INF2: variants seen among roughly 807,000 people sequenced by gnomAD.
INF2 encodes the protein inverted formin-2.
Under a neutral mutation model 123.5 loss-of-function variants are expected in INF2, and 43 were observed. The observed-to-expected ratio is 0.35, with a 90% CI of 0.27 to 0.45. INF2 has a LOEUF of 0.45. Ranked by LOEUF, INF2 falls within the 20% of genes least tolerant of loss-of-function variation. INF2 has a pLI of 1.00. For missense variants in INF2, 1,453 were observed against 1,682.7 expected, an observed-to-expected ratio of 0.86 and a Z score of 2.39; for synonymous variants, 851 against 745.0, an observed-to-expected ratio of 1.14 and a Z score of -2.32.
upstream of INF2, among the ~76,000 whole-genome samples, chr14:104,687,469 CACACACACAT>C: frequency 6.8e-6 from 1 of 145,992 alleles, no homozygotes; most frequent in South Asian, 2.2e-4. This position sits in a 1 kb window ranked among gnomAD's most constrained non-coding sequence, Gnocchi z 5.6. Context: ...TCCACACACA[CACACACACAT>C]ACACACACAC....
chr14:104,707,420 G>T lies in INF2; in HGVS notation c.1153G>T (p.Gly385Cys). 1 of 1,579,098 alleles carries T rather than the reference G, an allele frequency of 6.3e-7. No homozygotes were observed. The highest frequency in any genetic ancestry group is 2.4e-5 in the East Asian group (1 of 42,518). ...NTTTPKPSVE[G>C]QQPAAAAACE... Reference sequence around the variant, plus strand: ...TACAACCCCCAAGCCCAGCGTGGAGGGCCAGCAGCCAGCAGCAGCTGCTGC... The same window carrying T: ...TACAACCCCCAAGCCCAGCGTGGAGTGCCAGCAGCCAGCAGCAGCTGCTGC... Residue 385 changes from glycine to cysteine, a missense_variant, in exon 8 of 23, where the codon GGC (glycine) becomes TGC (cysteine). Gly to Cys is a radical substitution (Grantham distance 159). Around this residue, in one of 8 missense-constraint regions of INF2, gnomAD observed 374 missense variants for 303.7 expected, o/e 1.23. Transcript: ENST00000392634.
At chr14:104,689,587 T>TGCGACC, upstream of INF2, 1 of 851,068 alleles carries the variant, frequency 1.2e-6, no homozygotes, top group Non-Finnish European at 1.4e-6. Context: ...CACCTCCTCT[T>TGCGACC]CCTCCCGCCC....
At chr14:104,712,593 G>A (rs771441545) in intron 17 of INF2, 40 bp downstream of exon 17, 19 of 1,612,024 alleles carry the variant, frequency 1.2e-5, no homozygotes, top group Non-Finnish European at 1.4e-5. Flanking sequence ...GGGAGAGGCT[G>A]CCCTGATAGA....
intron 6 of INF2, 111 bp from the exon 7 acceptor site, chr14:104,706,799 C>T: frequency 7.3e-6 from 9 of 1,227,880 alleles, no homozygotes; most frequent in Non-Finnish European, 7.9e-6. Flanking sequence ...TCTAGGGATC[C>T]GTGGGAATAG....
rs1360651358 is a variant in INF2, at chr14:104,684,112, G to A, written c.-104+2530G>A. 2.0e-5 allele frequency: 9 copies of A among 456,056 alleles called. No homozygotes were observed. Among genetic ancestry groups the A allele is most frequent in the Admixed American group, 4.7e-5 (2 of 42,566 alleles). The allele number at this position is 456,056 out of a possible 1,614,324, so 28.3% of individuals were successfully genotyped here. A position where few individuals can be genotyped will look rare whatever the true frequency, so the allele number is the denominator to read the frequency against. ...AAGATGGCACGGACCCCCGACATAAGACAGTTCAAAGCTGAGCGGCTCTCC... is the reference window on the plus strand; with the variant it reads ...AAGATGGCACGGACCCCCGACATAAAACAGTTCAAAGCTGAGCGGCTCTCC... On this transcript the variant is annotated intron_variant, in intron 1 of 2. Transcript: ENST00000674723. The surrounding 1 kb of genome is among the most constrained non-coding windows in gnomAD (Gnocchi z 5.0).
chr14:104,711,617 G>A lies in INF2; in HGVS notation c.2419-12G>A, dbSNP rs369283834. 1.4e-5 allele frequency: 22 copies of A among 1,612,124 alleles called. 1 individual carries two copies. In the South Asian group the frequency reaches 2.1e-4, roughly 15 times the overall value. On this transcript the variant is annotated splice_polypyrimidine_tract_variant and intron_variant, in intron 15 of 22. Transcript: ENST00000392634. ...GACCACAGTGGATCTCACTGGACGT[G>A]TCCCATTGCAGGAAGCGGAAAAGAG...
intron 5 of INF2, 46 bp downstream of exon 5, chr14:104,703,995 C>G: frequency 3.1e-6 from 5 of 1,605,298 alleles, no homozygotes; most frequent in Non-Finnish European, 4.2e-6. Context: ...CTCCTGCTCC[C>G]AAGGCCAGGC....
intron 22 of INF2, 108 bp from the exon 23 acceptor site, chr14:104,718,687 G>A: frequency 6.5e-7 from 1 of 1,548,798 alleles, no homozygotes; most frequent in Non-Finnish European, 8.7e-7. Context: ...ACAACCTGCT[G>A]GACAGTGGCG....
chr14:104,682,469 G>A (rs1029262405), intron 1 of INF2, among the ~76,000 whole-genome samples: 3 of 152,196 alleles, frequency 2.0e-5, no homozygotes, highest in Non-Finnish European at 2.9e-5. Flanking sequence ...GCAGTGGGGC[G>A]CGGGGCAGGG....
intron 1 of INF2, among the ~76,000 whole-genome samples, chr14:104,683,823 C>T (rs559008165): frequency 6.6e-6 from 1 of 152,212 alleles, no homozygotes; most frequent in African/African-American, 2.4e-5. Flanking sequence ...CCCTCTCCCC[C>T]TCTCCCCTTC....
At chr14:104,707,169 C>T (rs546703514) in intron 7 of INF2, 84 bp from the exon 8 acceptor site, 31 of 1,511,080 alleles carry the variant, frequency 2.1e-5, no homozygotes, top group African/African-American at 9.7e-5. Flanking sequence ...GGGAGGTGGC[C>T]GCTTTTTCCT....
Position 104,714,742 on chromosome 14 carries a change from T to C in INF2, c.3580T>C (p.Ser1194Pro). The change falls in exon 21 of 23, where the codon TCC (serine) becomes CCC (proline). Residue 1194 changes from serine (S) to proline (P), a missense_variant. Physicochemically the swap from Ser to Pro is moderately conservative, Grantham distance 74. Around this residue, in one of 8 missense-constraint regions of INF2, gnomAD observed 344 missense variants for 333.1 expected, o/e 1.03. Coordinates refer to ENST00000392634, the MANE Select transcript of INF2 (RefSeq NM_022489.4). The stretch of plus-strand genomic sequence containing the variant: ...GGACACATCCCTGGACAAGTCCTTC[T>C]CCGAGGATGCGGTGACCGACTCCTC... ...ALDTSLDKSF[S>P]EDAVTDSSGS... 6.2e-7 allele frequency: 1 copy of C among 1,602,202 alleles called. No homozygotes were observed. Among genetic ancestry groups the C allele is most frequent in the African/African-American group, 1.3e-5 (1 of 74,664 alleles).
intron 8 of INF2, 45 bp downstream of exon 8, chr14:104,708,047 G>T: frequency 6.3e-7 from 1 of 1,597,664 alleles, no homozygotes; most frequent in Non-Finnish European, 8.5e-7. Flanking sequence ...CTAGGACGGG[G>T]GCTGGTCTCT....
intron 1 of INF2, among the ~76,000 whole-genome samples, chr14:104,694,127 G>A (rs1203253643): frequency 6.6e-6 from 1 of 152,258 alleles, no homozygotes; most frequent in Non-Finnish European, 1.5e-5. Flanking sequence ...ACAGTGAGGG[G>A]CTGCCTGCAG....
Position 104,707,245 on chromosome 14 carries a change from T to A in INF2, c.986-8T>A, listed in dbSNP as rs2140666731. ...TTCTCCCTTGACCCTGGACATCCCC[T>A]ACTGCAGCCCAGGAATGCACCCTGG... On this transcript the variant is annotated splice_polypyrimidine_tract_variant and splice_region_variant and intron_variant, in intron 7 of 22. Transcript: ENST00000392634. 5.6e-6 allele frequency: 9 copies of A among 1,605,212 alleles called. No homozygotes were observed. Among genetic ancestry groups the A allele is most frequent in the Non-Finnish European group, 7.7e-6 (9 of 1,176,192 alleles).
At chr14:104,700,216 A>C (rs1889405171) in intron 1 of INF2, among the ~76,000 whole-genome samples, 1 of 152,200 alleles carries the variant, frequency 6.6e-6, no homozygotes, top group Admixed American at 6.5e-5. Context: ...ACCTCCAGTC[A>C]CAGCCCAGCC....
chr14:104,704,062 G>C, intron 5 of INF2, 113 bp downstream of exon 5: 1 of 1,568,224 alleles, frequency 6.4e-7, no homozygotes, highest in Non-Finnish European at 8.6e-7. Context: ...AGATGGCAGG[G>C]AGGTGGCTCC....
upstream of INF2, among the ~76,000 whole-genome samples, chr14:104,686,990 C>T (rs1291135960): frequency 6.6e-6 from 1 of 152,230 alleles, no homozygotes; most frequent in Non-Finnish European, 1.5e-5. Flanking sequence ...ACATGTGGCT[C>T]CGCCTGGGTG....
rs1240480082 is a variant in INF2 at position 104,719,466 on chromosome 14, AGGGGCTGCAG to A, written c.*676_*685del. 1 of 152,090 alleles carries A rather than the reference AGGGGCTGCAG, an allele frequency of 6.6e-6. No homozygotes were observed. Among genetic ancestry groups the A allele is most frequent in the African/African-American group, 2.4e-5 (1 of 41,428 alleles). 9.4% of individuals were successfully genotyped at this position (152,090 alleles called of 1,614,324 possible). On this transcript the variant is annotated 3_prime_UTR_variant, in exon 23 of 23. Transcript: ENST00000392634. ...CCTGGGGACAATACAGGTCCACCTG[AGGGGCTGCAG>A]GGTGACACCCAGCAGCCGCTGCCCC...
Sources: gnomAD v4.1 joint callset for allele counts (sites outside exome capture counted in the v4.1 genomes callset) on GRCh38, gnomAD v4.1.1 for gene constraint, gnomAD v4.1.1 regional missense constraint, Gnocchi (gnomAD v3.1) non-coding constraint, MANE v1.5 for transcripts, NCBI Gene and HGNC (gene_info 2026-07-23, HGNC 2026-07-21) for gene names.